B9D1: variants seen among roughly 807,000 people sequenced by gnomAD.
B9D1 encodes B9 domain-containing protein 1.
A neutral mutation model predicts 26.1 loss-of-function variants in B9D1; 20 were observed. The ratio of observed to expected loss-of-function variants is 0.77; its 90% CI spans 0.54 to 1.12. The LOEUF is 1.12. B9D1 is among the 50% of genes most tolerant of loss of function. B9D1 has a pLI of 0.00. For missense variants in B9D1, 260 were observed against 273.7 expected, an observed-to-expected ratio of 0.95 and a Z score of 0.35; for synonymous variants, 105 against 103.1, an observed-to-expected ratio of 1.02 and a Z score of -0.11.
intron 5 of B9D1, among the ~76,000 whole-genome samples, chr17:19,345,870 A>C (rs1287651517): frequency 6.6e-6 from 1 of 152,216 alleles, no homozygotes; most frequent in Non-Finnish European, 1.5e-5. Flanking sequence ...AGCCTGAGCA[A>C]GGAGCCTCCA....
intron 1 of B9D1, among the ~76,000 whole-genome samples, 199 bp downstream of exon 1, chr17:19,362,308 T>G (rs1911199556): frequency 1.3e-5 from 2 of 152,212 alleles, no homozygotes; most frequent in South Asian, 4.1e-4. Context: ...GAGGTCTGCT[T>G]CTATTCCTGC....
At chr17:19,335,615 A>C, downstream of B9D1, 28 of 533,876 alleles carry the variant, frequency 5.2e-5, no homozygotes, top group Middle Eastern at 2.9e-4. Context: ...AGGCTAAGAC[A>C]GGGGTGGGGG....
downstream of B9D1, among the ~76,000 whole-genome samples, chr17:19,340,045 C>CCT (rs1598038860): frequency 7.5e-6 from 1 of 133,418 alleles, no homozygotes; most frequent in East Asian, 2.2e-4. Flanking sequence ...CCCCCCCCCC[C>CCT]CCCGGCTTCC....
intron 3 of B9D1, among the ~76,000 whole-genome samples, chr17:19,355,310 C>T (rs1910182547): frequency 6.6e-6 from 1 of 152,044 alleles, no homozygotes; most frequent in Non-Finnish European, 1.5e-5. Context: ...GGAGGATTGC[C>T]TGAGCTCAGG....
rs778756975 is a variant in B9D1, at chr17:19,360,324, G to T, written c.128C>A (p.Thr43Lys). Residue 43 changes from threonine to lysine, a missense_variant, in exon 2 of 7, where the codon ACA (threonine) becomes AAA (lysine). Transcript: ENST00000261499. Reference sequence around the variant, plus strand: ...AGGCCCAAGAGTCCAGCTTACCGCTGTGGGGGCCCAGTCCTGGCCGTACAC... The same window carrying T: ...AGGCCCAAGAGTCCAGCTTACCGCTTTGGGGGCCCAGTCCTGGCCGTACAC... Reference protein sequence around the residue: ...CFVYGQDWAPTAGLEEGISQI... With the variant: ...CFVYGQDWAPKAGLEEGISQI... The T allele has an allele frequency of 6.2e-7, 1 of 1,613,948 alleles. No homozygotes were observed. The highest frequency in any genetic ancestry group is 1.1e-5 in the South Asian group (1 of 91,086).
At chr17:19,335,389 C>CT (rs780936813), downstream of B9D1, 209 of 1,544,654 alleles carry the variant, frequency 1.4e-4, no homozygotes, top group South Asian at 1.7e-3. Context: ...CAACTAATTC[C>CT]TTTTTTTTAT....
downstream of B9D1, chr17:19,337,775 C>G (rs1907571476): frequency 2.7e-6 from 4 of 1,487,842 alleles, no homozygotes; most frequent in African/African-American, 1.4e-5. Context: ...GGACAAGGGT[C>G]AAGCATAGAT....
chr17:19,342,799 C>T (rs1175302245), downstream of B9D1, among the ~76,000 whole-genome samples: 2 of 152,124 alleles, frequency 1.3e-5, no homozygotes, highest in South Asian at 2.1e-4. Context: ...TGCCATCCCC[C>T]GGGGTACCTC....
At chr17:19,369,714 C>G (rs559310098) in intron 1 of B9D1, among the ~76,000 whole-genome samples, 1 of 152,248 alleles carries the variant, frequency 6.6e-6, no homozygotes, top group South Asian at 2.1e-4. Context: ...TCGGGACATA[C>G]CTAACTAAAG....
Position 19,343,190 on chromosome 17 carries a change from C to A in B9D1, c.*129G>T. 6.7e-7 allele frequency: 1 copy of A among 1,498,656 alleles called. No homozygotes were observed. The highest frequency in any genetic ancestry group is 1.4e-5 in the African/African-American group (1 of 71,668). The allele number at this position is 1,498,656 out of a possible 1,614,324, so 92.8% of individuals were successfully genotyped here. A position where few individuals can be genotyped will look rare whatever the true frequency, so the allele number is the denominator to read the frequency against. ...AGGCCTAGGCTCTCTGAAAATGAGA[C>A]TTTATTATACAAAACTATTCTGTGT... On this transcript the variant is annotated 3_prime_UTR_variant, in exon 7 of 7. Transcript: ENST00000261499.
upstream of B9D1, among the ~76,000 whole-genome samples, chr17:19,364,992 A>G (rs1598097760): frequency 6.6e-6 from 1 of 152,276 alleles, no homozygotes; most frequent in East Asian, 1.9e-4. The surrounding 1 kb of genome is among the most constrained non-coding windows in gnomAD (Gnocchi z 4.3). Flanking sequence ...CCCAAGCTCC[A>G]CCCTGGCCAT....
intron 1 of B9D1, chr17:19,377,690 A>C (rs1912211814): frequency 4.0e-6 from 1 of 248,986 alleles, no homozygotes; most frequent in Admixed American, 6.5e-5. Context: ...TGAATGAACG[A>C]ATAAACTATC....
downstream of B9D1, among the ~76,000 whole-genome samples, chr17:19,340,667 AAT>A (rs1272938764): frequency 1.8e-4 from 27 of 151,284 alleles, no homozygotes; most frequent in African/African-American, 6.1e-4. Flanking sequence ...AGGTGCCTGT[AAT>A]TTTAAGCTAC....
chr17:19,368,269 G>C (rs74492419), intron 1 of B9D1, among the ~76,000 whole-genome samples: 4,486 of 152,310 alleles, frequency 0.029, 241 homozygotes, highest in African/African-American at 0.1. Context: ...TCACTCTCCT[G>C]TTAAGTCATT....
At chr17:19,350,798 T>A (rs1338462299) in intron 3 of B9D1, among the ~76,000 whole-genome samples, 1 of 152,198 alleles carries the variant, frequency 6.6e-6, no homozygotes, top group Non-Finnish European at 1.5e-5. Flanking sequence ...AGTTGAATTT[T>A]ACCATGTGTT....
chr17:19,338,072 A>G (rs1335946520), downstream of B9D1, among the ~76,000 whole-genome samples: 1 of 152,258 alleles, frequency 6.6e-6, no homozygotes, highest in East Asian at 1.9e-4. Context: ...CAAGGCAGAC[A>G]CAGCCTATAA....
chr17:19,347,342 T>G lies in B9D1; in HGVS notation c.342-11A>C, dbSNP rs1299526018. ...ATGGTCCTTTTGTGCCTGAAACAAA[T>G]GTTTTTGCAGACAGAGATGCTGAGT... On this transcript the variant is annotated splice_polypyrimidine_tract_variant and intron_variant, in intron 4 of 6. Coordinates refer to ENST00000261499, the MANE Select transcript of B9D1 (RefSeq NM_015681.6). The surrounding 1 kb of genome is among the most constrained non-coding windows in gnomAD (Gnocchi z 4.3). 6.2e-7 allele frequency: 1 copy of G among 1,614,114 alleles called. No individual in the cohort carries two copies. The highest frequency in any genetic ancestry group is 1.1e-5 in the South Asian group (1 of 91,084).
At position 19,374,472 on chromosome 17, in the gene B9D1, G is replaced by A. The variant is rs563602767; in HGVS notation, c.-298+3387C>T. 2.6e-5 allele frequency among the ~76,000 whole-genome samples: 4 copies of A among 152,290 alleles called. No homozygotes were observed. The East Asian group carries it at 5.8e-4, about 22-fold the overall frequency. On this transcript the variant is annotated intron_variant, in intron 1 of 5. Coordinates refer to the B9D1 transcript ENST00000477478. ...TGTCTAAATCAGTATAATCTCTAAG[G>A]ATAGAAATTTGACATTAGCTACTAA...
chr17:19,335,349 A>G (rs1042367454), downstream of B9D1: 12 of 1,508,606 alleles, frequency 8.0e-6, no homozygotes, highest in South Asian at 1.0e-4. Context: ...AAAAAAATCT[A>G]ATGTATGAAT....
Sources: allele counts gnomAD v4.1 joint callset (sites outside exome capture counted in the v4.1 genomes callset), GRCh38; gene constraint gnomAD v4.1.1; non-coding constraint Gnocchi (gnomAD v3.1); transcripts MANE v1.5; gene names NCBI Gene and HGNC (gene_info 2026-07-23, HGNC 2026-07-21).